The following ZNF407 variants were observed in gnomAD, a reference collection of about 807,000 sequenced individuals.
ZNF407 encodes zinc finger protein 407.
A neutral mutation model predicts 131.2 loss-of-function variants in ZNF407; 17 were observed. The observed-to-expected ratio is 0.13, with a 90% CI of 0.09 to 0.19. The LOEUF (loss-of-function observed/expected upper bound fraction) is 0.19, where lower values mean the gene tolerates loss of function less well. ZNF407 is among the 10% of genes least tolerant of loss of function. ZNF407 has a pLI of 1.00. For missense variants in ZNF407, 2,681 were observed against 2,830.6 expected, an observed-to-expected ratio of 0.95 and a Z score of 1.20; for synonymous variants, 1,156 against 1,062.0, an observed-to-expected ratio of 1.09 and a Z score of -1.72.
chr18:74,749,514 C>G (rs1037119766), intron 3 of ZNF407, among the ~76,000 whole-genome samples: 1 of 152,008 alleles, frequency 6.6e-6, no homozygotes, highest in Non-Finnish European at 1.5e-5. Context: ...AACTGAGATA[C>G]CGTTTTTTAA....
At chr18:75,047,405 G>T (rs1973447502) in intron 8 of ZNF407, among the ~76,000 whole-genome samples, 1 of 152,214 alleles carries the variant, frequency 6.6e-6, no homozygotes, top group South Asian at 2.1e-4. Context: ...CAGAGCCAGG[G>T]ACCCTCTGCC....
chr18:74,707,050 C>T (rs536856623), intron 3 of ZNF407, among the ~76,000 whole-genome samples: 37 of 151,514 alleles, frequency 2.4e-4, no homozygotes, highest in Admixed American at 2.1e-3. Context: ...CTACCAGGTT[C>T]CATGATTCTC....
At chr18:74,906,206 T>G (rs1971593054) in intron 7 of ZNF407, among the ~76,000 whole-genome samples, 1 of 152,198 alleles carries the variant, frequency 6.6e-6, no homozygotes, top group African/African-American at 2.4e-5. Flanking sequence ...ATCTGGTGTT[T>G]GTAAAGAATA....
intron 8 of ZNF407, among the ~76,000 whole-genome samples, chr18:74,944,415 A>G (rs1172006960): frequency 6.6e-6 from 1 of 152,226 alleles, no homozygotes; most frequent in Non-Finnish European, 1.5e-5. Context: ...TAGTTTTGCC[A>G]TCAAAGATGT....
intron 4 of ZNF407, among the ~76,000 whole-genome samples, chr18:74,846,807 C>T (rs1970709540): frequency 6.6e-6 from 1 of 151,814 alleles, no homozygotes; most frequent in South Asian, 2.1e-4. Context: ...GCCTGGCCAA[C>T]ATGGTGAAAC....
At chr18:74,727,540 T>G (rs1968187617) in intron 3 of ZNF407, among the ~76,000 whole-genome samples, 1 of 152,200 alleles carries the variant, frequency 6.6e-6, no homozygotes, top group South Asian at 2.1e-4. Context: ...AGGTGCGTGT[T>G]CAACACAGGG....
chr18:75,045,089 G>A (rs1478076776), intron 8 of ZNF407, among the ~76,000 whole-genome samples: 1 of 142,038 alleles, frequency 7.0e-6, no homozygotes, highest in Admixed American at 7.2e-5. Context: ...TATGTGGGGG[G>A]TGTGGGTGGG....
intron 1 of ZNF407, among the ~76,000 whole-genome samples, chr18:74,599,309 AT>A (rs200622662): frequency 5.3e-5 from 8 of 151,740 alleles, no homozygotes; most frequent in South Asian, 2.1e-4. Context: ...CTACTGGTGC[AT>A]TTTTTTTTAA....
At chr18:75,034,603 GT>G (rs1263638698) in intron 8 of ZNF407, among the ~76,000 whole-genome samples, 81 of 145,302 alleles carry the variant, frequency 5.6e-4, no homozygotes, top group Admixed American at 1.2e-3. Flanking sequence ...CGCCCGGCGG[GT>G]TTTTTTTTTT....
At chr18:74,770,880 T>G (rs2145000214) in intron 3 of ZNF407, among the ~76,000 whole-genome samples, 1 of 152,302 alleles carries the variant, frequency 6.6e-6, no homozygotes, top group South Asian at 2.1e-4. Flanking sequence ...AGGAGAGGTG[T>G]GAAATTTAAG....
intron 4 of ZNF407, among the ~76,000 whole-genome samples, chr18:74,845,847 A>G (rs970105141): frequency 6.6e-6 from 1 of 152,214 alleles, no homozygotes; most frequent in African/African-American, 2.4e-5. Context: ...AGATGAATTA[A>G]TGAAATTAGT....
chr18:75,057,175 A>C lies in ZNF407; in HGVS notation c.5429-5975A>C, dbSNP rs372592666. ...AAAGTACATCCAGTGTCTGAGATGT[A>C]ACCTAGCAATGTATCAACATTTAGT... On this transcript the variant is annotated intron_variant, in intron 8 of 8. Coordinates refer to ENST00000299687, the MANE Select transcript of ZNF407 (RefSeq NM_017757.3). 9.2e-5 allele frequency among the ~76,000 whole-genome samples: 14 copies of C among 152,324 alleles called. No homozygotes were observed. In the East Asian group the frequency reaches 2.3e-3, roughly 25 times the overall value.
chr18:74,906,921 TAG>T (rs1971603706), intron 7 of ZNF407, among the ~76,000 whole-genome samples: 1 of 152,164 alleles, frequency 6.6e-6, no homozygotes, highest in South Asian at 2.1e-4. Context: ...ATAAGTGCCA[TAG>T]ATGTATATGT....
chr18:74,842,936 C>T (rs945296742), intron 4 of ZNF407, among the ~76,000 whole-genome samples: 2 of 151,984 alleles, frequency 1.3e-5, no homozygotes, highest in East Asian at 3.9e-4. Flanking sequence ...AGGCTTCTCT[C>T]GAACTCCTGA....
chr18:74,839,699 G>T (rs1246775117), intron 4 of ZNF407, among the ~76,000 whole-genome samples: 1 of 152,152 alleles, frequency 6.6e-6, no homozygotes, highest in Non-Finnish European at 1.5e-5. Flanking sequence ...TTGCTAAGCA[G>T]TGTGGATACC....
intron 3 of ZNF407, among the ~76,000 whole-genome samples, chr18:74,691,465 G>A (rs796139217): frequency 6.7e-6 from 1 of 148,216 alleles, no homozygotes; most frequent in African/African-American, 2.5e-5. Context: ...TTTTTTTGTT[G>A]TTTTTTACAA....
intron 4 of ZNF407, among the ~76,000 whole-genome samples, chr18:74,850,864 G>T (rs905098648): frequency 6.6e-6 from 1 of 152,152 alleles, no homozygotes; most frequent in Non-Finnish European, 1.5e-5. Flanking sequence ...GTGTTTTCTT[G>T]TCCATTGCTA....
intron 3 of ZNF407, among the ~76,000 whole-genome samples, chr18:74,737,809 A>G (rs774901432): frequency 5.3e-5 from 8 of 152,318 alleles, no homozygotes; most frequent in Admixed American, 1.3e-4. Flanking sequence ...TGTGTGGCAC[A>G]TGTTCTAGAT....
At chr18:74,932,975 G>A (rs1599251358) in intron 8 of ZNF407, among the ~76,000 whole-genome samples, 1 of 152,196 alleles carries the variant, frequency 6.6e-6, no homozygotes, top group Non-Finnish European at 1.5e-5. Context: ...TGCTGTGGAA[G>A]CGGAATGGCA....
Sources: allele counts gnomAD v4.1 joint callset (sites outside exome capture counted in the v4.1 genomes callset), GRCh38; gene constraint gnomAD v4.1.1; transcripts MANE v1.5; gene names NCBI Gene and HGNC (gene_info 2026-07-23, HGNC 2026-07-21).